Variants in B4GALT1 observed in about 807,000 individuals in gnomAD.
The protein encoded by B4GALT1 is N-acetyllactosamine synthase.
A neutral mutation model predicts 34.9 loss-of-function variants in B4GALT1; 16 were observed. The observed-to-expected ratio is 0.46, with a 90% CI of 0.31 to 0.70. B4GALT1 has a LOEUF of 0.70. Ranked by LOEUF, B4GALT1 falls within the 30% of genes least tolerant of loss-of-function variation. B4GALT1 has a pLI of 0.05. For synonymous variants in B4GALT1, 221 were observed against 218.1 expected, an observed-to-expected ratio of 1.01 and a Z score of -0.12; for missense variants, 445 against 530.5, an observed-to-expected ratio of 0.84 and a Z score of 1.58.
chr9:33,163,265 C>T (rs778096072), intron 1 of B4GALT1, among the ~76,000 whole-genome samples: 10 of 152,300 alleles, frequency 6.6e-5, no homozygotes, highest in Admixed American at 1.3e-4. Flanking sequence ...CCCTGGCAGA[C>T]GCTCAGCAAC....
chr9:33,181,754 G>A, the B4GALT1 span, among the ~76,000 whole-genome samples: 2 of 152,198 alleles, frequency 1.3e-5, no homozygotes, highest in East Asian at 1.9e-4. Flanking sequence ...TGCTGCAAAT[G>A]TTGAGTAAAA....
intron 1 of B4GALT1, among the ~76,000 whole-genome samples, chr9:33,155,776 G>A (rs1034861545): frequency 6.6e-6 from 1 of 152,200 alleles, no homozygotes; most frequent in African/African-American, 2.4e-5. Context: ...TAAGGGTGCT[G>A]ACTGTATGCC....
chr9:33,147,958 C>T (rs1840453421), intron 1 of B4GALT1, among the ~76,000 whole-genome samples: 1 of 151,984 alleles, frequency 6.6e-6, no homozygotes, highest in Non-Finnish European at 1.5e-5. Flanking sequence ...CGCTTAAGCC[C>T]AGGATTGCGA....
At chr9:33,118,462 G>T (rs1376473903) in intron 3 of B4GALT1, among the ~76,000 whole-genome samples, 1 of 151,580 alleles carries the variant, frequency 6.6e-6, no homozygotes, top group African/African-American at 2.4e-5. Context: ...AGGAGTTCAA[G>T]ACCAGCCTGG....
At chr9:33,119,174 T>C (rs879775303) in intron 3 of B4GALT1, among the ~76,000 whole-genome samples, 5 of 152,224 alleles carry the variant, frequency 3.3e-5, no homozygotes, top group African/African-American at 1.2e-4. Flanking sequence ...TGACAGGTAA[T>C]TTAAAACACT....
intron 2 of B4GALT1, among the ~76,000 whole-genome samples, chr9:33,122,169 C>T (rs932455981): frequency 6.6e-6 from 1 of 152,074 alleles, no homozygotes; most frequent in South Asian, 2.1e-4. Context: ...TAGGGGCTTG[C>T]GACTGGTACA....
At chr9:33,182,026 A>C in the B4GALT1 span, among the ~76,000 whole-genome samples, 2 of 150,488 alleles carry the variant, frequency 1.3e-5, no homozygotes, top group African/African-American at 4.9e-5. Flanking sequence ...GACCACAGGC[A>C]TATGCCACCA....
In B4GALT1 at chr9:33,111,413, C is replaced by T. The variant is rs78409522; in HGVS notation, c.*2041G>A. The T allele has an allele frequency of 0.065, 9,939 of 152,606 alleles. 332 individuals are homozygous for T. The highest frequency in any genetic ancestry group is 0.11 in the East Asian group (587 of 5,176). The allele number at this position is 152,606 out of a possible 1,614,324, so 9.5% of individuals were successfully genotyped here. ...GACAGAAAGAGAGGCTTTCATTCTT[C>T]TTATTTCCCACAACTCCCTCTCAAT... On this transcript the variant is annotated 3_prime_UTR_variant, in exon 6 of 6. Coordinates refer to ENST00000379731, the MANE Select transcript of B4GALT1 (RefSeq NM_001497.4).
At chr9:33,114,945 T>C (rs1388596778) in intron 4 of B4GALT1, among the ~76,000 whole-genome samples, 1 of 152,226 alleles carries the variant, frequency 6.6e-6, no homozygotes, top group Non-Finnish European at 1.5e-5. Context: ...AGACCTGTGG[T>C]ATCCTGTCGG....
chr9:33,135,851 T>C (rs1840261004), intron 1 of B4GALT1, among the ~76,000 whole-genome samples: 1 of 151,848 alleles, frequency 6.6e-6, no homozygotes, highest in Non-Finnish European at 1.5e-5. Flanking sequence ...CTTGGACAAA[T>C]GGCTGACATC....
At chr9:33,160,188 T>C (rs1395365130) in intron 1 of B4GALT1, among the ~76,000 whole-genome samples, 2 of 152,252 alleles carry the variant, frequency 1.3e-5, no homozygotes, top group African/African-American at 4.8e-5. Flanking sequence ...TTTCCTTTTT[T>C]AGAAAGCTCT....
chr9:33,114,297 C>T (rs958803990), intron 4 of B4GALT1, among the ~76,000 whole-genome samples: 6 of 152,158 alleles, frequency 3.9e-5, no homozygotes, highest in African/African-American at 1.4e-4. Context: ...AGGTATCTGC[C>T]ATAGCATTTT....
chr9:33,145,306 G>A (rs958568992), intron 1 of B4GALT1, among the ~76,000 whole-genome samples: 5 of 152,116 alleles, frequency 3.3e-5, no homozygotes, highest in East Asian at 1.9e-4. Context: ...TAAAAATGGT[G>A]CATTTTCTTG....
chr9:33,119,424 T>C (rs1839988014), intron 3 of B4GALT1, among the ~76,000 whole-genome samples: 1 of 152,140 alleles, frequency 6.6e-6, no homozygotes, highest in Non-Finnish European at 1.5e-5. Flanking sequence ...CATTCCTTCT[T>C]ATAGGGCCAA....
At chr9:33,110,607 A>G (rs1839842566), downstream of B4GALT1, 1 of 152,222 alleles carries the variant, frequency 6.6e-6, no homozygotes, top group African/African-American at 2.4e-5. Context: ...CAGCCATGAC[A>G]ACCCTTACAC....
chr9:33,135,425 C>A lies in B4GALT1; in HGVS notation c.413-1G>T, dbSNP rs768622581. 1.9e-6 allele frequency: 3 copies of A among 1,613,834 alleles called. No individual in the cohort carries two copies. The highest frequency in any genetic ancestry group is 2.5e-6 in the Non-Finnish European group (3 of 1,179,932). ...TTAAACTCAATCAGCATGGGGCCCA[C>A]TAGAGAGGTGGAGGGAGGGAGAAGT... On this transcript the variant is annotated splice_acceptor_variant, in intron 1 of 5. Coordinates refer to ENST00000379731, the MANE Select transcript of B4GALT1 (RefSeq NM_001497.4). LOFTEE classifies it high-confidence loss of function.
the B4GALT1 span, among the ~76,000 whole-genome samples, chr9:33,176,388 G>T: frequency 6.6e-6 from 1 of 151,852 alleles, no homozygotes; most frequent in African/African-American, 2.4e-5. Flanking sequence ...CTCAAGATAA[G>T]CCCTTCCCTC....
intron 2 of B4GALT1, among the ~76,000 whole-genome samples, chr9:33,123,664 G>A (rs1444348755): frequency 5.9e-5 from 9 of 152,226 alleles, no homozygotes; most frequent in Non-Finnish European, 8.8e-5. Context: ...CTCTACCATA[G>A]GACTGGGCCT....
At chr9:33,133,158 C>T (rs1166867120) in intron 2 of B4GALT1, among the ~76,000 whole-genome samples, 1 of 152,216 alleles carries the variant, frequency 6.6e-6, no homozygotes, top group Non-Finnish European at 1.5e-5. Context: ...CTGCCTTGGC[C>T]TCCCAAAGTG....
Sources: gnomAD v4.1 joint callset for allele counts (sites outside exome capture counted in the v4.1 genomes callset) on GRCh38, gnomAD v4.1.1 for gene constraint, MANE v1.5 for transcripts, NCBI Gene and HGNC (gene_info 2026-07-23, HGNC 2026-07-21) for gene names.